The following TMEM132D variants were observed in gnomAD, a reference collection of about 807,000 sequenced individuals.
TMEM132D encodes the protein mature OL transmembrane protein.
In TMEM132D, 21 loss-of-function variants were observed where a neutral mutation model predicts 62.3. The ratio of observed to expected loss-of-function variants is 0.34; its 90% CI spans 0.24 to 0.49. The LOEUF (loss-of-function observed/expected upper bound fraction) is 0.49. Ranked by LOEUF, TMEM132D falls within the 20% of genes least tolerant of loss-of-function variation. The probability of loss-of-function intolerance (pLI) is 0.99; values close to 1 mark genes in which losing one functional copy is unlikely to be tolerated. For missense variants in TMEM132D, 1,346 were observed against 1,402.8 expected, an observed-to-expected ratio of 0.96 and a Z score of 0.65; for synonymous variants, 621 against 575.6, an observed-to-expected ratio of 1.08 and a Z score of -1.13.
intron 5 of TMEM132D, among the ~76,000 whole-genome samples, chr12:129,153,097 T>C (rs1055066805): frequency 1.3e-5 from 2 of 152,136 alleles, no homozygotes; most frequent in African/African-American, 2.4e-5. Context: ...GCTCCCCTCT[T>C]TGTCCTTCCA....
At chr12:129,098,428 C>T (rs907359321) in intron 5 of TMEM132D, among the ~76,000 whole-genome samples, 3 of 152,152 alleles carry the variant, frequency 2.0e-5, no homozygotes, top group Non-Finnish European at 4.4e-5. Context: ...TTTTTCAAAC[C>T]ATGCAGTGAC....
intron 3 of TMEM132D, among the ~76,000 whole-genome samples, chr12:129,445,819 C>A (rs1047940654): frequency 6.6e-6 from 1 of 152,116 alleles, no homozygotes; most frequent in Non-Finnish European, 1.5e-5. Flanking sequence ...AAGTAGCAGA[C>A]GCTGAGATGC....
chr12:129,333,830 A>T (rs1869190797), intron 4 of TMEM132D, among the ~76,000 whole-genome samples: 1 of 152,152 alleles, frequency 6.6e-6, no homozygotes, highest in South Asian at 2.1e-4. Flanking sequence ...TAAAATATAA[A>T]AAATTATAGG....
At chr12:129,548,864 A>G (rs540170544) in intron 2 of TMEM132D, among the ~76,000 whole-genome samples, 58 of 152,368 alleles carry the variant, frequency 3.8e-4, no homozygotes, top group African/African-American at 1.3e-3. Context: ...TCATTTTACA[A>G]ACAAGAAAAC....
At chr12:129,427,068 C>A (rs542394390) in intron 3 of TMEM132D, among the ~76,000 whole-genome samples, 44 of 152,312 alleles carry the variant, frequency 2.9e-4, no homozygotes, top group Non-Finnish European at 5.7e-4. Flanking sequence ...TAAATACGAT[C>A]CCATATGGGA....
At chr12:129,119,458 C>T (rs576953821) in intron 5 of TMEM132D, among the ~76,000 whole-genome samples, 1 of 152,248 alleles carries the variant, frequency 6.6e-6, no homozygotes, top group Non-Finnish European at 1.5e-5. Flanking sequence ...AGAATGAAAT[C>T]GTATCTTTTT....
At chr12:129,270,774 C>T (rs1880832348) in intron 4 of TMEM132D, among the ~76,000 whole-genome samples, 1 of 152,208 alleles carries the variant, frequency 6.6e-6, no homozygotes, top group Non-Finnish European at 1.5e-5. Context: ...GTTCCATTAA[C>T]AAAAGGCTGT....
intron 3 of TMEM132D, among the ~76,000 whole-genome samples, chr12:129,469,271 T>A (rs10744419): frequency 5.9e-5 from 9 of 152,218 alleles, no homozygotes; most frequent in Admixed American, 4.6e-4. Context: ...TGGTTTTCAC[T>A]CATGGTAGAC....
At chr12:129,796,260 G>A (rs1871557977) in intron 1 of TMEM132D, among the ~76,000 whole-genome samples, 1 of 152,114 alleles carries the variant, frequency 6.6e-6, no homozygotes, top group Non-Finnish European at 1.5e-5. Flanking sequence ...TTGGGGGGAT[G>A]ATGAATGTAA....
intron 3 of TMEM132D, among the ~76,000 whole-genome samples, chr12:129,380,062 G>T (rs1416065713): frequency 6.6e-6 from 1 of 152,068 alleles, no homozygotes; most frequent in Non-Finnish European, 1.5e-5. Context: ...ATAAAACATG[G>T]TGTCATAGTT....
intron 5 of TMEM132D, among the ~76,000 whole-genome samples, chr12:129,160,257 ATC>A (rs1877364229): frequency 6.6e-6 from 1 of 152,186 alleles, no homozygotes. Context: ...TTCTTGTAGA[ATC>A]ATCTCTCTCC....
intron 3 of TMEM132D, among the ~76,000 whole-genome samples, chr12:129,461,819 CATAG>C (rs993946548): frequency 2.0e-4 from 30 of 152,064 alleles, no homozygotes; most frequent in African/African-American, 7.2e-4. Context: ...TCAGCAGGTA[CATAG>C]ATAGAGAAAT....
At chr12:129,442,883 G>A (rs934372936) in intron 3 of TMEM132D, among the ~76,000 whole-genome samples, 2 of 152,018 alleles carry the variant, frequency 1.3e-5, no homozygotes, top group African/African-American at 2.4e-5. Flanking sequence ...GTGTGCTGCC[G>A]AGGTCACTCC....
intron 5 of TMEM132D, among the ~76,000 whole-genome samples, chr12:129,185,729 C>T (rs1878200342): frequency 6.6e-6 from 1 of 150,610 alleles, no homozygotes; most frequent in Non-Finnish European, 1.5e-5. Flanking sequence ...ATCTATCTGT[C>T]TATCTATCTA....
chr12:129,619,965 C>T (rs1265511498), intron 2 of TMEM132D, among the ~76,000 whole-genome samples: 1 of 152,170 alleles, frequency 6.6e-6, no homozygotes, highest in Non-Finnish European at 1.5e-5. Flanking sequence ...GGTTACAATA[C>T]CCTAACCACG....
At position 129,874,396 on chromosome 12, in the gene TMEM132D, C is replaced by T. The variant is rs184916819; in HGVS notation, c.79+28865G>A. On this transcript the variant is annotated intron_variant, in intron 1 of 8. Coordinates refer to ENST00000422113, the MANE Select transcript of TMEM132D (RefSeq NM_133448.3). ...CTGCACTTCAGCCTGGGTGACAGAG[C>T]GAGACTCTGTCTCAAAAAATAAAAA... is the stretch of plus-strand genomic sequence containing the variant. Among the ~76,000 whole-genome samples the T allele has an allele frequency of 6.8e-4, 104 of 151,836 alleles. 1 individual carries two copies. Among genetic ancestry groups the T allele is most frequent in the African/African-American group, 2.0e-3 (84 of 41,418 alleles).
Position 129,573,057 on chromosome 12 carries a change from A to G in TMEM132D, c.969-41852T>C, listed in dbSNP as rs570945590. On this transcript the variant is annotated intron_variant, in intron 2 of 8. Transcript: ENST00000422113. ...CTCATATGCTATACAAATAAAAACA[A>G]TAAATAAATCCATCTGGTGGGCTCA... Among the ~76,000 whole-genome samples, 44 of 152,324 alleles carry G rather than the reference A, an allele frequency of 2.9e-4. 1 individual carries two copies. In the South Asian group the frequency reaches 8.7e-3, roughly 30 times the overall value.
intron 3 of TMEM132D, among the ~76,000 whole-genome samples, chr12:129,372,445 C>T (rs1282308490): frequency 6.6e-6 from 1 of 152,020 alleles, no homozygotes; most frequent in Non-Finnish European, 1.5e-5. Flanking sequence ...CCTGTCAGGT[C>T]AGGATCAGCA....
Position 129,700,772 on chromosome 12 carries a change from GC to G in TMEM132D, c.80-75del, listed in dbSNP as rs943692203. Reference sequence around the variant, plus strand: ...TTACCAGCATTTCAGACATCTGCGTGCCCCCTTCATAACAGAGGACCCTGTC... The same window carrying G: ...TTACCAGCATTTCAGACATCTGCGTGCCCCTTCATAACAGAGGACCCTGTC... On this transcript the variant is annotated intron_variant, in intron 1 of 8. Coordinates refer to ENST00000422113, the MANE Select transcript of TMEM132D (RefSeq NM_133448.3). The G allele has an allele frequency of 2.0e-6, 3 of 1,492,702 alleles. No individual in the cohort carries two copies. In the African/African-American group the frequency reaches 4.2e-5, roughly 21 times the overall value. 92.5% of individuals were successfully genotyped at this position (1,492,702 alleles called of 1,614,324 possible).
Sources: gnomAD v4.1 joint callset for allele counts (sites outside exome capture counted in the v4.1 genomes callset) on GRCh38, gnomAD v4.1.1 for gene constraint, MANE v1.5 for transcripts, NCBI Gene and HGNC (gene_info 2026-07-23, HGNC 2026-07-21) for gene names.